The following SEC22C variants were observed in gnomAD, a reference collection of about 807,000 sequenced individuals.
SEC22C encodes vesicle-trafficking protein SEC22c.
A neutral mutation model predicts 34.7 loss-of-function variants in SEC22C; 29 were observed. That is an observed-to-expected ratio of 0.84 (90% CI 0.62 to 1.14). SEC22C has a LOEUF of 1.14. Among genes scored for constraint, SEC22C ranks in the 50% most tolerant of loss-of-function variants. SEC22C has a pLI of 0.00. For synonymous variants in SEC22C, 117 were observed against 132.8 expected (o/e 0.88, Z 0.82); for missense variants, 337 against 369.0 (o/e 0.91, Z 0.71).
At chr3:42,578,680 T>C (rs1032623849) in intron 1 of SEC22C, among the ~76,000 whole-genome samples, 1 of 152,194 alleles carries the variant, frequency 6.6e-6, no homozygotes, top group Non-Finnish European at 1.5e-5. Flanking sequence ...GTACTATATT[T>C]GCAAATTCCT....
At chr3:42,573,183 G>C (rs919152159) in intron 1 of SEC22C, among the ~76,000 whole-genome samples, 2 of 152,062 alleles carry the variant, frequency 1.3e-5, no homozygotes, top group Admixed American at 1.3e-4. Flanking sequence ...AAAACTCTCA[G>C]TAAAGAAACA....
chr3:42,553,431 G>C lies in SEC22C; in HGVS notation c.729C>G (p.Phe243Leu). Reference protein sequence around the residue: ...ACIFQCYLYLFYSPARTMKVV... With the variant: ...ACIFQCYLYLLYSPARTMKVV... ...CCTTCATAGTCCTGGCTGGACTGTA[G>C]AACAGGTACAAATAACACTGAAATG... The change falls in exon 7 of 7, where the codon TTC (phenylalanine) becomes TTG (leucine). Residue 243 changes from phenylalanine to leucine, a missense_variant. Coordinates refer to ENST00000264454, the MANE Select transcript of SEC22C (RefSeq NM_032970.4). 1 of 1,613,968 alleles carries C rather than the reference G, an allele frequency of 6.2e-7. No homozygotes were observed. Among genetic ancestry groups the C allele is most frequent in the Admixed American group, 1.7e-5 (1 of 59,980 alleles).
chr3:42,574,505 G>C (rs1244547779), intron 1 of SEC22C, among the ~76,000 whole-genome samples: 5 of 151,804 alleles, frequency 3.3e-5, no homozygotes, highest in African/African-American at 4.8e-5. Flanking sequence ...AAGAAAGAAA[G>C]AACAACAGAA....
At chr3:42,581,998 A>C (rs1704405757), upstream of SEC22C, 1 of 151,500 alleles carries the variant, frequency 6.6e-6, no homozygotes, top group South Asian at 2.1e-4. Flanking sequence ...GAGCCACCCC[A>C]CCTCCCCCCT....
upstream of SEC22C, among the ~76,000 whole-genome samples, chr3:42,586,744 A>G (rs1425369987): frequency 1.3e-5 from 2 of 152,210 alleles, no homozygotes; most frequent in East Asian, 3.8e-4. Context: ...ACATAGTTCC[A>G]GTCAGTTTCT....
At chr3:42,568,326 G>C (rs1224670221) in intron 2 of SEC22C, among the ~76,000 whole-genome samples, 3 of 151,718 alleles carry the variant, frequency 2.0e-5, no homozygotes, top group Non-Finnish European at 2.9e-5. Context: ...ATGCTCATGG[G>C]CACTCCACTA....
upstream of SEC22C, among the ~76,000 whole-genome samples, chr3:42,585,325 T>C (rs1376190108): frequency 6.6e-6 from 1 of 152,196 alleles, no homozygotes; most frequent in Non-Finnish European, 1.5e-5. Context: ...CTCCAATCAT[T>C]GTTCACTTTG....
intron 1 of SEC22C, among the ~76,000 whole-genome samples, chr3:42,597,352 G>A (rs1456670415): frequency 6.6e-6 from 1 of 152,142 alleles, no homozygotes; most frequent in African/African-American, 2.4e-5. Flanking sequence ...TCAGGAGATC[G>A]AGACCAGCCT....
At chr3:42,563,880 T>A (rs1214853631) in intron 2 of SEC22C, 194 bp from the exon 3 acceptor site, 2 of 1,474,686 alleles carry the variant, frequency 1.4e-6, no homozygotes, top group South Asian at 2.4e-5. Flanking sequence ...CTTTAAAATG[T>A]CTAGTAGTCT....
rs200954624 is a variant in SEC22C, at chr3:42,576,117, TAAA to T, written c.-28+5726_-28+5728del. On this transcript the variant is annotated intron_variant, in intron 1 of 6. Coordinates refer to ENST00000264454, the MANE Select transcript of SEC22C (RefSeq NM_032970.4). ...ACACACTTTAAAACAATCCGTAAGT[TAAA>T]AAGGAAATATAAAGGAAATTAAAAA... Among the ~76,000 whole-genome samples the T allele has an allele frequency of 8.6e-5, 13 of 151,808 alleles. No homozygotes were observed. The South Asian group carries it at 1.3e-3, about 15-fold the overall frequency.
intron 6 of SEC22C, among the ~76,000 whole-genome samples, chr3:42,554,010 T>C (rs1421848662): frequency 1.3e-5 from 2 of 152,144 alleles, no homozygotes; most frequent in African/African-American, 4.8e-5. Flanking sequence ...GAGTGACTGG[T>C]ATTTTGTGTA....
At chr3:42,597,377 A>G (rs531653938) in intron 1 of SEC22C, among the ~76,000 whole-genome samples, 22 of 152,178 alleles carry the variant, frequency 1.4e-4, no homozygotes, top group Non-Finnish European at 2.8e-4. Flanking sequence ...AACATGGTGA[A>G]ACCCTGTCTC....
chr3:42,584,272 T>G (rs1704538170), upstream of SEC22C, among the ~76,000 whole-genome samples: 1 of 152,240 alleles, frequency 6.6e-6, no homozygotes, highest in South Asian at 2.1e-4. Context: ...AGACTTTTTT[T>G]GAGGCTGAGT....
rs1443771556 is a variant in SEC22C at position 42,549,165 on chromosome 3, C to T, written c.*4083G>A. 6 of 990,892 alleles carry T rather than the reference C, an allele frequency of 6.1e-6. No homozygotes were observed. The highest frequency in any genetic ancestry group is 1.1e-4 in the Admixed American group (2 of 17,532). The allele number at this position is 990,892 out of a possible 1,614,324, so 61.4% of individuals were successfully genotyped here. A position where few individuals can be genotyped will look rare whatever the true frequency, so the allele number is the denominator to read the frequency against. On this transcript the variant is annotated 3_prime_UTR_variant, in exon 7 of 7. Coordinates refer to ENST00000264454, the MANE Select transcript of SEC22C (RefSeq NM_032970.4). Reference sequence around the variant, plus strand: ...TAACACTCACAGGGCACAGGTAGAGCGTCCCCAGACCTGTGCAATATTCTA... The same window carrying T: ...TAACACTCACAGGGCACAGGTAGAGTGTCCCCAGACCTGTGCAATATTCTA...
rs977170417 is a variant in SEC22C at position 42,579,276 on chromosome 3, TCAAAA to T, written c.-28+2565_-28+2569del. On this transcript the variant is annotated intron_variant, in intron 1 of 6. Coordinates refer to ENST00000264454, the MANE Select transcript of SEC22C (RefSeq NM_032970.4). ...TGGGCAACAAGAGCAAAACTCCATC[TCAAAA>T]CAAAACAAAACAAAACAAAACAAAA... Among the ~76,000 whole-genome samples the T allele has an allele frequency of 8.7e-4, 125 of 143,148 alleles. 3 individuals are homozygous for T. Among genetic ancestry groups the T allele is most frequent in the Admixed American group, 5.8e-3 (82 of 14,260 alleles). The allele number at this position is 143,148 out of a possible 152,430, so 93.9% of individuals were successfully genotyped here. A position where few individuals can be genotyped will look rare whatever the true frequency, so the allele number is the denominator to read the frequency against.
intron 4 of SEC22C, among the ~76,000 whole-genome samples, chr3:42,558,564 A>G (rs1702686396): frequency 6.6e-6 from 1 of 151,266 alleles, no homozygotes; most frequent in Admixed American, 6.6e-5. Context: ...AGGTGAGAGG[A>G]TCACTTGAAC....
chr3:42,576,707 C>A (rs193262746), intron 1 of SEC22C, among the ~76,000 whole-genome samples: 24 of 151,078 alleles, frequency 1.6e-4, no homozygotes, highest in Admixed American at 5.3e-4. Context: ...CTCCCCCAAA[C>A]TGATATACAG....
At chr3:42,567,405 A>G (rs1362512635) in intron 2 of SEC22C, among the ~76,000 whole-genome samples, 1 of 152,220 alleles carries the variant, frequency 6.6e-6, no homozygotes, top group Admixed American at 6.5e-5. Flanking sequence ...TGTATAACCC[A>G]TAAGAAGCAG....
At chr3:42,597,610 A>C (rs1705066814) in intron 1 of SEC22C, among the ~76,000 whole-genome samples, 1 of 152,116 alleles carries the variant, frequency 6.6e-6, no homozygotes, top group Non-Finnish European at 1.5e-5. Flanking sequence ...AAATGATCTA[A>C]GTCAAGCTTG....
Sources: allele counts gnomAD v4.1 joint callset (sites outside exome capture counted in the v4.1 genomes callset), GRCh38; gene constraint gnomAD v4.1.1; transcripts MANE v1.5; gene names NCBI Gene and HGNC (gene_info 2026-07-23, HGNC 2026-07-21).